SLTM: variants seen among roughly 807,000 people sequenced by gnomAD.
SLTM encodes SAFB-like transcription modulator.
In SLTM, 43 loss-of-function variants were observed where a neutral mutation model predicts 134.6. The observed-to-expected ratio is 0.32, with a 90% CI of 0.25 to 0.41. The LOEUF (loss-of-function observed/expected upper bound fraction) is 0.41. Among genes scored for constraint, SLTM ranks in the 10% least tolerant of loss-of-function variants. The probability of loss-of-function intolerance (pLI) is 1.00; values close to 1 mark genes in which losing one functional copy is unlikely to be tolerated. For missense variants in SLTM, 1,055 were observed against 1,288.8 expected (o/e 0.82, Z 2.78); for synonymous variants, 424 against 432.3 (o/e 0.98, Z 0.24).
chr15:58,882,428 T>A (rs1322302402), intron 20 of SLTM, among the ~76,000 whole-genome samples: 2 of 152,066 alleles, frequency 1.3e-5, no homozygotes, highest in Non-Finnish European at 2.9e-5. Context: ...GAAACAGCAG[T>A]GTCTAAAGCT....
At chr15:58,880,132 A>C (rs772438666) in intron 20 of SLTM, 25 bp from the exon 21 acceptor site, 1 of 1,607,424 alleles carries the variant, frequency 6.2e-7, no homozygotes, top group Non-Finnish European at 8.5e-7. Flanking sequence ...AAAGAAAAAA[A>C]CATCAGAGAA....
intron 12 of SLTM, among the ~76,000 whole-genome samples, chr15:58,893,592 C>T (rs2034837229): frequency 6.6e-6 from 1 of 152,102 alleles, no homozygotes; most frequent in South Asian, 2.1e-4. Context: ...TAATCAATGA[C>T]CATTTTAAGT....
At chr15:58,897,386 CAACAT>C (rs1262493461) in intron 8 of SLTM, 153 bp from the exon 9 acceptor site, 13 of 549,462 alleles carry the variant, frequency 2.4e-5, no homozygotes, top group Non-Finnish European at 3.6e-5. Context: ...ATCAAACAGA[CAACAT>C]GACTAGTGAG....
intron 12 of SLTM, 65 bp from the exon 13 acceptor site, chr15:58,893,429 T>A: frequency 9.0e-7 from 1 of 1,109,468 alleles, no homozygotes; most frequent in Non-Finnish European, 1.3e-6. Flanking sequence ...AATATGTATG[T>A]AAAAATGCTA....
intron 19 of SLTM, among the ~76,000 whole-genome samples, chr15:58,885,360 A>T (rs998909398): frequency 1.3e-5 from 2 of 152,150 alleles, no homozygotes; most frequent in Admixed American, 6.5e-5. Flanking sequence ...TGAAAAAGAA[A>T]ATTTTCAAGG....
chr15:58,880,020 A>G lies in SLTM; in HGVS notation c.3084T>C (p.Gly1028=). 1 of 1,614,026 alleles carries G rather than the reference A, an allele frequency of 6.2e-7. No individual in the cohort carries two copies. Among genetic ancestry groups the G allele is most frequent in the Non-Finnish European group, 8.5e-7 (1 of 1,179,938 alleles). ...GSGSGFKPFK[G]GPPRRF is the part of the protein sequence containing the mutation. ...ATTTTCAGAATCGTCGCGGAGGTCC[A>G]CCCTTAAATGGCTTAAATCCGGAGC... The change falls in exon 21 of 21, where the codon GGT becomes GGC. Residue 1028 remains glycine, a synonymous_variant. Transcript: ENST00000380516.
In SLTM at chr15:58,912,862, A is replaced by T. The variant is rs1595903446; in HGVS notation, c.514-252T>A. On this transcript the variant is annotated intron_variant, in intron 4 of 20. Coordinates refer to ENST00000380516, the MANE Select transcript of SLTM (RefSeq NM_024755.4). ...AGGGTAGGTAGAAGGGAAGTGTTTT[A>T]AGCATGAATACTAACAGCACTGACT... is the stretch of plus-strand genomic sequence containing the variant. The T allele has an allele frequency of 9.6e-6, 4 of 417,692 alleles. No individual in the cohort carries two copies. In the East Asian group the frequency reaches 1.8e-4, roughly 19 times the overall value. The allele number at this position is 417,692 out of a possible 1,614,324, so 25.9% of individuals were successfully genotyped here.
intron 2 of SLTM, among the ~76,000 whole-genome samples, chr15:58,924,509 G>A (rs2037326435): frequency 6.6e-6 from 1 of 152,272 alleles, no homozygotes; most frequent in Admixed American, 6.5e-5. Flanking sequence ...TTCTGGAACA[G>A]TATTTCACAA....
chr15:58,886,415 C>T (rs965838712), intron 19 of SLTM, among the ~76,000 whole-genome samples: 4 of 151,868 alleles, frequency 2.6e-5, no homozygotes, highest in African/African-American at 9.7e-5. Flanking sequence ...TACAGGCGCC[C>T]ACCACCACGC....
intron 19 of SLTM, among the ~76,000 whole-genome samples, chr15:58,884,288 G>T (rs1051582305): frequency 6.6e-6 from 1 of 152,086 alleles, no homozygotes; most frequent in African/African-American, 2.4e-5. Context: ...TCTCAGGGAA[G>T]GGTATGGAGG....
Position 58,933,527 on chromosome 15 carries a change from G to A in SLTM, c.39C>T (p.Ala13=), listed in dbSNP as rs1450647361. 1.9e-6 allele frequency: 3 copies of A among 1,596,114 alleles called. No individual in the cohort carries two copies. Among genetic ancestry groups the A allele is most frequent in the Non-Finnish European group, 2.6e-6 (3 of 1,172,634 alleles). The change falls in exon 1 of 21, where the codon GCC becomes GCT. Residue 13 remains alanine, a synonymous_variant. Coordinates refer to ENST00000380516, the MANE Select transcript of SLTM (RefSeq NM_024755.4). ...AATGAVAASA[A]SGQAEGKKIT... ...TCTTTTTACCTTCCGCCTGACCCGA[G>A]GCGGCCGAGGCTGCCACCGCACCGG...
chr15:58,900,276 T>C (rs1360439675), intron 6 of SLTM: 6 of 218,688 alleles, frequency 2.7e-5, no homozygotes, highest in East Asian at 2.1e-4. Flanking sequence ...AAAGTGCAGA[T>C]TGTTGTTCAA....
At chr15:58,925,001 T>C (rs1567161776) in intron 2 of SLTM, among the ~76,000 whole-genome samples, 1 of 148,250 alleles carries the variant, frequency 6.7e-6, no homozygotes, top group Non-Finnish European at 1.5e-5. Context: ...AATTTTAAAA[T>C]CATTTTGCCA....
At position 58,911,506 on chromosome 15, in the gene SLTM, C is replaced by T. The variant is rs543852335; in HGVS notation, c.561+1057G>A. Among the ~76,000 whole-genome samples, 164 of 152,294 alleles carry T rather than the reference C, an allele frequency of 1.1e-3. No individual in the cohort carries two copies. In the South Asian group the frequency reaches 0.011, roughly 10 times the overall value. On this transcript the variant is annotated intron_variant, in intron 5 of 20. Coordinates refer to ENST00000380516, the MANE Select transcript of SLTM (RefSeq NM_024755.4). ...GCTAACACATACCAATGGGCGCTGA[C>T]TCCCTTCACGGGGGATGCATGCATT...
chr15:58,890,285 T>G lies in SLTM; in HGVS notation c.2075A>C (p.Glu692Ala). Reference sequence around the variant, plus strand: ...GAAAAGATTTTCTGACTGCACCTGTTCAATACGAATGCGTTCCCTTTCCAA... The same window carrying G: ...GAAAAGATTTTCTGACTGCACCTGTGCAATACGAATGCGTTCCCTTTCCAA... ...ERLERERIRI[E>A]QERRKEAERI... Residue 692 changes from glutamate to alanine, a missense_variant, in exon 15 of 21, where the codon GAA becomes GCA. Physicochemically the swap from Glu to Ala is moderately radical, Grantham distance 107. This residue lies in a region of SLTM where 776 missense variants were observed against 962.2 expected (regional missense o/e 0.81). Coordinates refer to ENST00000380516, the MANE Select transcript of SLTM (RefSeq NM_024755.4). The G allele has an allele frequency of 6.2e-7, 1 of 1,614,000 alleles. No individual in the cohort carries two copies. Among genetic ancestry groups the G allele is most frequent in the East Asian group, 2.2e-5 (1 of 44,880 alleles).
intron 6 of SLTM, 107 bp from the exon 7 acceptor site, chr15:58,900,044 T>A (rs1406646558): frequency 6.3e-6 from 5 of 791,256 alleles, no homozygotes; most frequent in Non-Finnish European, 9.5e-6. Flanking sequence ...TTATTAGCAC[T>A]GATGGAAGTT....
intron 19 of SLTM, 113 bp downstream of exon 19, chr15:58,886,862 T>G: frequency 7.7e-7 from 1 of 1,303,480 alleles, no homozygotes; most frequent in Non-Finnish European, 1.1e-6. Flanking sequence ...CTCTGAATCA[T>G]TCCAATCTAG....
intron 8 of SLTM, chr15:58,897,834 C>T (rs900799945): frequency 6.6e-6 from 1 of 151,970 alleles, no homozygotes; most frequent in Non-Finnish European, 1.5e-5. Flanking sequence ...TCTCAAAATC[C>T]TTTATAATAG....
At chr15:58,922,159 TGA>T (rs1449205072) in intron 2 of SLTM, among the ~76,000 whole-genome samples, 39 of 151,842 alleles carry the variant, frequency 2.6e-4, no homozygotes, top group African/African-American at 9.2e-4. Flanking sequence ...GTGGACCACT[TGA>T]GGTCAGGAGT....
Sources: allele counts gnomAD v4.1 joint callset (sites outside exome capture counted in the v4.1 genomes callset), GRCh38; gene constraint gnomAD v4.1.1; regional missense constraint gnomAD v4.1.1; transcripts MANE v1.5; gene names NCBI Gene and HGNC (gene_info 2026-07-23, HGNC 2026-07-21).